The following DCLK1 variants were observed in gnomAD, a reference collection of about 807,000 sequenced individuals.
The protein encoded by DCLK1 is serine/threonine-protein kinase DCLK1.
A neutral mutation model predicts 86.2 loss-of-function variants in DCLK1; 16 were observed. That is an observed-to-expected ratio of 0.19 (90% CI 0.13 to 0.28). The LOEUF (loss-of-function observed/expected upper bound fraction) is 0.28. DCLK1 is among the 10% of genes least tolerant of loss of function. DCLK1 has a pLI of 1.00. For missense variants in DCLK1, 590 were observed against 940.2 expected, an observed-to-expected ratio of 0.63 and a Z score of 4.87; for synonymous variants, 369 against 370.5, an observed-to-expected ratio of 1.00 and a Z score of 0.05.
chr13:36,102,245 A>AT (rs542502886), intron 3 of DCLK1, among the ~76,000 whole-genome samples: 79 of 134,106 alleles, frequency 5.9e-4, no homozygotes, highest in South Asian at 2.9e-3. Context: ...TTCCTGGAAG[A>AT]TTTTTTTTTT....
At chr13:35,822,977 T>C in intron 10 of DCLK1, 102 bp from the exon 11 acceptor site, 3 of 1,385,204 alleles carry the variant, frequency 2.2e-6, no homozygotes, top group Non-Finnish European at 3.0e-6. Flanking sequence ...AGAATGGATG[T>C]GGAATCTTTG....
chr13:35,962,297 A>G (rs1276132365), intron 3 of DCLK1, among the ~76,000 whole-genome samples: 2 of 152,168 alleles, frequency 1.3e-5, no homozygotes, highest in Non-Finnish European at 2.9e-5. Flanking sequence ...CCCTAAATCA[A>G]TATGACTGGT....
At chr13:35,945,379 C>T (rs554245213) in intron 4 of DCLK1, among the ~76,000 whole-genome samples, 16 of 152,122 alleles carry the variant, frequency 1.1e-4, no homozygotes, top group South Asian at 8.3e-4. Flanking sequence ...TTGGCTGTTG[C>T]GGAGGGGAAG....
At chr13:36,001,770 G>A (rs1324788089) in intron 3 of DCLK1, among the ~76,000 whole-genome samples, 1 of 152,068 alleles carries the variant, frequency 6.6e-6, no homozygotes, top group Non-Finnish European at 1.5e-5. Context: ...TTTATTTGGT[G>A]GGTAATTTTT....
intron 10 of DCLK1, among the ~76,000 whole-genome samples, chr13:35,826,707 T>C (rs543650096): frequency 6.6e-6 from 1 of 152,148 alleles, no homozygotes; most frequent in East Asian, 1.9e-4. Context: ...ATTTTTCATA[T>C]CATCGCAGAT....
At chr13:35,878,857 C>A (rs1178354315) in intron 4 of DCLK1, among the ~76,000 whole-genome samples, 1 of 151,936 alleles carries the variant, frequency 6.6e-6, no homozygotes, top group African/African-American at 2.4e-5. Flanking sequence ...ACAATCTTGG[C>A]TCACTGCAAC....
At chr13:35,807,627 C>T (rs9545422) in intron 14 of DCLK1, among the ~76,000 whole-genome samples, 16,696 of 152,180 alleles carry the variant, frequency 0.11, 1,062 homozygotes, top group East Asian at 0.18. Context: ...TCCCTGCCTT[C>T]GCAGAATTTG....
At chr13:35,872,929 C>A (rs1398559675) in intron 4 of DCLK1, among the ~76,000 whole-genome samples, 1 of 152,122 alleles carries the variant, frequency 6.6e-6, no homozygotes, top group Non-Finnish European at 1.5e-5. Flanking sequence ...AATCATCTTT[C>A]TTGGTCAACC....
chr13:35,917,237 T>G (rs142764088), intron 4 of DCLK1, among the ~76,000 whole-genome samples: 2 of 152,270 alleles, frequency 1.3e-5, no homozygotes, highest in East Asian at 3.8e-4. Context: ...TAAATTTGTA[T>G]GTTTTTCTCT....
intron 5 of DCLK1, among the ~76,000 whole-genome samples, chr13:35,868,933 G>A (rs1311147815): frequency 6.6e-6 from 1 of 152,130 alleles, no homozygotes; most frequent in Non-Finnish European, 1.5e-5. Flanking sequence ...TAGGATTACA[G>A]GCACCCACCA....
At chr13:35,966,312 A>G (rs1475074998) in intron 3 of DCLK1, among the ~76,000 whole-genome samples, 1 of 152,234 alleles carries the variant, frequency 6.6e-6, no homozygotes, top group Non-Finnish European at 1.5e-5. Context: ...ACTGAAAGCA[A>G]TATCTTGAAT....
intron 16 of DCLK1, among the ~76,000 whole-genome samples, chr13:35,781,684 C>A (rs1339536580): frequency 1.3e-5 from 2 of 152,148 alleles, no homozygotes; most frequent in Non-Finnish European, 2.9e-5. Flanking sequence ...GTCTTCATTT[C>A]ATTAATAAAA....
chr13:35,841,705 A>G (rs1029299702), intron 6 of DCLK1, among the ~76,000 whole-genome samples: 1 of 152,228 alleles, frequency 6.6e-6, no homozygotes, highest in African/African-American at 2.4e-5. Flanking sequence ...ACGGTCATAC[A>G]GAGTTCTCTG....
chr13:35,937,205 C>G (rs948795821), intron 4 of DCLK1, among the ~76,000 whole-genome samples: 10 of 151,698 alleles, frequency 6.6e-5, no homozygotes, highest in African/African-American at 1.2e-4. Flanking sequence ...GATCTCCTGA[C>G]CTCATGATCC....
chr13:36,109,831 A>C (rs1256362088), intron 3 of DCLK1, among the ~76,000 whole-genome samples: 2 of 152,238 alleles, frequency 1.3e-5, no homozygotes, highest in Non-Finnish European at 2.9e-5. Flanking sequence ...AACCACAGTA[A>C]ACTAGCCATT....
At chr13:35,972,340 G>A (rs1053120138) in intron 3 of DCLK1, among the ~76,000 whole-genome samples, 2 of 152,064 alleles carry the variant, frequency 1.3e-5, no homozygotes, top group Non-Finnish European at 2.9e-5. Flanking sequence ...TTGGGCTCAA[G>A]CAATCCTCCT....
Position 35,769,074 on chromosome 13 carries a change from T to A in DCLK1, c.*5461A>T, listed in dbSNP as rs2086282070. The A allele has an allele frequency of 6.6e-6, 1 of 152,190 alleles. No individual in the cohort carries two copies. The highest frequency in any genetic ancestry group is 1.5e-5 in the Non-Finnish European group (1 of 68,016). The allele number at this position is 152,190 out of a possible 1,614,324, so 9.4% of individuals were successfully genotyped here. On this transcript the variant is annotated 3_prime_UTR_variant, in exon 17 of 17. Coordinates refer to ENST00000360631, the MANE Select transcript of DCLK1 (RefSeq NM_001330071.2). ...AAAAAGCTCAGTTGATAAATGAACA[T>A]AATATATCACAGATGATTTCATTCC...
chr13:35,822,747 G>T lies in DCLK1; in HGVS notation c.1536C>A (p.Ile512=). 1 of 1,614,076 alleles carries T rather than the reference G, an allele frequency of 6.2e-7. No homozygotes were observed. The highest frequency in any genetic ancestry group is 8.5e-7 in the Non-Finnish European group (1 of 1,180,014). The change falls in exon 11 of 17, where the codon ATC becomes ATA. Residue 512 remains isoleucine, a synonymous_variant. Transcript: ENST00000360631. ...CTCTTACCAGCAGGTTCTCTGGCTTGATATCACGGTGGACGATGTTCAGGC... is the reference window on the plus strand; with the variant it reads ...CTCTTACCAGCAGGTTCTCTGGCTTTATATCACGGTGGACGATGTTCAGGC... The part of the protein sequence containing the change: ...LHSLNIVHRD[I]KPENLLVYEH...
At chr13:36,095,893 C>A (rs926099644) in intron 3 of DCLK1, among the ~76,000 whole-genome samples, 1 of 152,060 alleles carries the variant, frequency 6.6e-6, no homozygotes, top group Non-Finnish European at 1.5e-5. Context: ...TTTTCCATTT[C>A]ATTGATATTA....
Sources: gnomAD v4.1 joint callset for allele counts (sites outside exome capture counted in the v4.1 genomes callset) on GRCh38, gnomAD v4.1.1 for gene constraint, MANE v1.5 for transcripts, NCBI Gene and HGNC (gene_info 2026-07-23, HGNC 2026-07-21) for gene names.